Variants in TRHDE observed in about 807,000 individuals in gnomAD.
TRHDE encodes thyrotropin releasing hormone degrading enzyme.
A neutral mutation model predicts 125.7 loss-of-function variants in TRHDE; 72 were observed. The ratio of observed to expected loss-of-function variants is 0.57; its 90% CI spans 0.47 to 0.70. The LOEUF is 0.70. TRHDE is among the 30% of genes least tolerant of loss of function. The pLI is 0.00. For missense variants in TRHDE, 1,110 were observed against 1,327.1 expected (o/e 0.84, Z 2.54); for synonymous variants, 509 against 509.1 (o/e 1.00, Z 0.00).
intron 6 of TRHDE, among the ~76,000 whole-genome samples, chr12:72,528,287 A>G (rs971929622): frequency 1.3e-5 from 2 of 152,156 alleles, no homozygotes; most frequent in African/African-American, 4.8e-5. Flanking sequence ...AACATTAATC[A>G]CGTATTTTTC....
At chr12:72,154,825 C>T (rs1876464269) in intron 2 of TRHDE, among the ~76,000 whole-genome samples, 1 of 152,202 alleles carries the variant, frequency 6.6e-6, no homozygotes, top group South Asian at 2.1e-4. Context: ...CTGCCCTTAA[C>T]ATTTTTTCCT....
chr12:72,470,142 G>A (rs1255698568), intron 4 of TRHDE, among the ~76,000 whole-genome samples: 1 of 152,210 alleles, frequency 6.6e-6, no homozygotes, highest in East Asian at 1.9e-4. Context: ...TAGTTGAAGA[G>A]TGAGATGGCA....
intron 2 of TRHDE, among the ~76,000 whole-genome samples, chr12:72,210,215 G>A (rs1473550936): frequency 1.1e-5 from 1 of 91,136 alleles, no homozygotes; most frequent in Non-Finnish European, 2.2e-5. Context: ...TCTACTTTCT[G>A]ATAAAGTAGC....
chr12:72,324,441 TCA>T (rs944659670), intron 2 of TRHDE, among the ~76,000 whole-genome samples: 25 of 151,980 alleles, frequency 1.6e-4, no homozygotes, highest in Admixed American at 2.6e-4. Context: ...GGCCTTTCAC[TCA>T]GAGGTAAAAA....
At chr12:72,450,342 C>A (rs1306115870) in intron 3 of TRHDE, among the ~76,000 whole-genome samples, 2 of 151,928 alleles carry the variant, frequency 1.3e-5, no homozygotes, top group Non-Finnish European at 2.9e-5. Flanking sequence ...TAGGTCCTAC[C>A]TTAGAAAAAT....
chr12:72,399,667 A>C (rs191761340), intron 3 of TRHDE, among the ~76,000 whole-genome samples: 32 of 152,284 alleles, frequency 2.1e-4, no homozygotes, highest in Non-Finnish European at 3.5e-4. Context: ...TTATTGAGAC[A>C]TATAAGCTCA....
At chr12:72,102,598 T>C (rs1875094209) in intron 1 of TRHDE, among the ~76,000 whole-genome samples, 1 of 152,296 alleles carries the variant, frequency 6.6e-6, no homozygotes, top group East Asian at 1.9e-4. Flanking sequence ...GCTTATGGGT[T>C]ACCAAAAAAT....
intron 2 of TRHDE, among the ~76,000 whole-genome samples, chr12:72,118,003 C>T (rs1049626542): frequency 1.3e-5 from 2 of 151,492 alleles, no homozygotes; most frequent in Non-Finnish European, 2.9e-5. Flanking sequence ...AATATAAGAT[C>T]GTATCATCTG....
At chr12:72,514,670 G>T (rs1473104718) in intron 6 of TRHDE, among the ~76,000 whole-genome samples, 1 of 150,978 alleles carries the variant, frequency 6.6e-6, no homozygotes, top group Non-Finnish European at 1.5e-5. Context: ...AAGTTTCAGG[G>T]TACATGTGCA....
At chr12:72,589,575 T>C (rs1871584176) in intron 12 of TRHDE, among the ~76,000 whole-genome samples, 1 of 152,170 alleles carries the variant, frequency 6.6e-6, no homozygotes, top group South Asian at 2.1e-4. Flanking sequence ...TATGGGAAGG[T>C]CCTTAATTGT....
chr12:72,526,635 C>T (rs896201853), intron 6 of TRHDE, among the ~76,000 whole-genome samples: 1 of 152,102 alleles, frequency 6.6e-6, no homozygotes, highest in Admixed American at 6.6e-5. Context: ...ACAAAAGTGC[C>T]TGTCCTCTGC....
intron 2 of TRHDE, among the ~76,000 whole-genome samples, chr12:72,243,817 T>C (rs1377274104): frequency 6.6e-6 from 1 of 152,184 alleles, no homozygotes; most frequent in Non-Finnish European, 1.5e-5. Context: ...ATTATTGAGT[T>C]CTCTTTTCCA....
At chr12:72,263,873 T>A (rs1401683436) in intron 2 of TRHDE, 1 of 152,074 alleles carries the variant, frequency 6.6e-6, no homozygotes, top group African/African-American at 2.4e-5. Context: ...TCTGAGGTCT[T>A]ATTGCATATC....
chr12:72,097,907 G>T (rs1476754519), intron 1 of TRHDE, among the ~76,000 whole-genome samples: 1 of 152,070 alleles, frequency 6.6e-6, no homozygotes, highest in Non-Finnish European at 1.5e-5. Flanking sequence ...TGGGCTGTTT[G>T]TAGACAGTCA....
chr12:72,563,172 A>T (rs1870266453), intron 9 of TRHDE, 132 bp downstream of exon 9: 6 of 663,216 alleles, frequency 9.0e-6, no homozygotes, highest in Non-Finnish European at 1.4e-5. Context: ...CTTTATTTAC[A>T]CAAGTTACTT....
chr12:72,317,673 A>G (rs919754947), intron 2 of TRHDE, among the ~76,000 whole-genome samples: 4 of 152,200 alleles, frequency 2.6e-5, no homozygotes, highest in African/African-American at 7.2e-5. Flanking sequence ...TTTTGGAGGG[A>G]CATAAACATT....
intron 2 of TRHDE, among the ~76,000 whole-genome samples, chr12:72,238,882 T>C (rs1423176456): frequency 6.6e-6 from 1 of 152,212 alleles, no homozygotes; most frequent in Non-Finnish European, 1.5e-5. Context: ...AGGAGAATGA[T>C]TTATAATCCT....
chr12:72,591,444 G>A (rs952977674), intron 12 of TRHDE, among the ~76,000 whole-genome samples: 12 of 151,730 alleles, frequency 7.9e-5, no homozygotes, highest in African/African-American at 2.9e-4. Context: ...TTTGCTTCCT[G>A]CCTTTGTATT....
intron 2 of TRHDE, among the ~76,000 whole-genome samples, chr12:72,164,382 T>A (rs539188695): frequency 6.6e-6 from 1 of 152,110 alleles, no homozygotes; most frequent in Non-Finnish European, 1.5e-5. Context: ...TGAACTCTTA[T>A]TAACCTCAAT....
Sources: allele counts gnomAD v4.1 joint callset (sites outside exome capture counted in the v4.1 genomes callset), GRCh38; gene constraint gnomAD v4.1.1; transcripts MANE v1.5; gene names NCBI Gene and HGNC (gene_info 2026-07-23, HGNC 2026-07-21).